The following SF3B3 variants were observed in gnomAD, a reference collection of about 807,000 sequenced individuals.
SF3B3 encodes SAP 130.
Under a neutral mutation model 139.2 loss-of-function variants are expected in SF3B3, and 33 were observed. The observed-to-expected ratio is 0.24, with a 90% confidence interval of 0.18 to 0.32. SF3B3 has a LOEUF of 0.32. Ranked by LOEUF, SF3B3 falls within the 10% of genes least tolerant of loss-of-function variation. The probability of loss-of-function intolerance (pLI) is 1.00; values close to 1 mark genes in which losing one functional copy is unlikely to be tolerated. For synonymous variants in SF3B3, 596 were observed against 563.6 expected (o/e 1.06, Z -0.81); for missense variants, 818 against 1,509.4 (o/e 0.54, Z 7.59).
At chr16:70,531,933 G>C (rs2050125290) in intron 4 of SF3B3, among the ~76,000 whole-genome samples, 1 of 152,224 alleles carries the variant, frequency 6.6e-6, no homozygotes, top group Non-Finnish European at 1.5e-5. Context: ...AGGTGTGGTG[G>C]CATGTGCCTA....
chr16:70,546,112 G>C (rs898451902), intron 10 of SF3B3, among the ~76,000 whole-genome samples: 2 of 152,164 alleles, frequency 1.3e-5, no homozygotes, highest in African/African-American at 4.8e-5. Flanking sequence ...GACTACAGGT[G>C]TGCGCCATCA....
At chr16:70,537,565 A>G (rs2050180203) in intron 6 of SF3B3, among the ~76,000 whole-genome samples, 2 of 152,204 alleles carry the variant, frequency 1.3e-5, no homozygotes, top group African/African-American at 2.4e-5. Context: ...AATTTAATGT[A>G]ATATGTAGTA....
rs544982470 is a variant in SF3B3, at chr16:70,538,575, C to T, written c.963+115C>T. ...CTTAGAAAGTAGTTGCCCTTGGAAC[C>T]GGTATATGAGTATAGATTTTCTCTC... On this transcript the variant is annotated intron_variant, in intron 7 of 25. Transcript: ENST00000302516. 665 of 853,524 alleles carry T rather than the reference C, an allele frequency of 7.8e-4. 8 individuals are homozygous for T. The South Asian group carries it at 9.3e-3, about 12-fold the overall frequency. 52.9% of individuals were successfully genotyped at this position (853,524 alleles called of 1,614,324 possible). A position where few individuals can be genotyped will look rare whatever the true frequency, so the allele number is the denominator to read the frequency against.
chr16:70,556,993 C>A lies in SF3B3; in HGVS notation c.1974C>A (p.Gly658=). The part of the protein sequence containing the change: ...TEKQDELGER[G]SIGFLYLNIG... Reference sequence around the variant, plus strand: ...AGCAGGATGAGCTGGGTGAGAGGGGCTCGATTGGCTTCCTATACCTGAATA... The same window carrying A: ...AGCAGGATGAGCTGGGTGAGAGGGGATCGATTGGCTTCCTATACCTGAATA... The change falls in exon 15 of 26, where the codon GGC becomes GGA. Residue 658 remains glycine, a synonymous_variant. Transcript: ENST00000302516. The A allele has an allele frequency of 1.2e-6, 2 of 1,613,610 alleles. No individual in the cohort carries two copies. The highest frequency in any genetic ancestry group is 1.7e-5 in the Admixed American group (1 of 59,906).
At chr16:70,555,397 T>C (rs553049066) in intron 13 of SF3B3, among the ~76,000 whole-genome samples, 191 bp downstream of exon 13, 16 of 149,766 alleles carry the variant, frequency 1.1e-4, no homozygotes, top group South Asian at 8.4e-4. Context: ...GAGAATTGCT[T>C]GAACCCGGGA....
rs774859210 is a variant in SF3B3, at chr16:70,530,702, C to A, written c.398-43C>A. ...TAGCTGTTCTATAAGTCTCTCTTCTCATTATCTGGGAATCTTGTATGTTTT... is the reference window on the plus strand; with the variant it reads ...TAGCTGTTCTATAAGTCTCTCTTCTAATTATCTGGGAATCTTGTATGTTTT... On this transcript the variant is annotated intron_variant, in intron 3 of 25. Coordinates refer to ENST00000302516, the MANE Select transcript of SF3B3 (RefSeq NM_012426.5). The A allele has an allele frequency of 1.2e-5, 18 of 1,523,200 alleles. No homozygotes were observed. In the East Asian group the frequency reaches 2.7e-4, roughly 23 times the overall value. 94.4% of individuals were successfully genotyped at this position (1,523,200 alleles called of 1,614,324 possible). A position where few individuals can be genotyped will look rare whatever the true frequency, so the allele number is the denominator to read the frequency against.
chr16:70,524,416 G>A lies in SF3B3; in HGVS notation c.-71+488G>A, dbSNP rs72792805. On this transcript the variant is annotated intron_variant, in intron 1 of 25. Transcript: ENST00000302516. ...GCGTAATGGAGGACAGAGTTTAAAT[G>A]CGATGATGTTTCCTTGGAGGATGGA... 836 of 152,502 alleles carry A rather than the reference G, an allele frequency of 5.5e-3. 5 individuals carry two copies. Among genetic ancestry groups the A allele is most frequent in the Non-Finnish European group, 8.5e-3 (578 of 68,132 alleles). 9.4% of individuals were successfully genotyped at this position (152,502 alleles called of 1,614,324 possible). A position where few individuals can be genotyped will look rare whatever the true frequency, so the allele number is the denominator to read the frequency against.
intron 11 of SF3B3, among the ~76,000 whole-genome samples, chr16:70,549,762 T>G (rs2050304557): frequency 6.6e-6 from 1 of 152,006 alleles, no homozygotes; most frequent in African/African-American, 2.4e-5. Context: ...CCATCTCTAC[T>G]AAAAATACAA....
intron 4 of SF3B3, among the ~76,000 whole-genome samples, chr16:70,531,185 G>A (rs11865527): frequency 0.34 from 51,807 of 151,812 alleles, 9,378 homozygotes; most frequent in South Asian, 0.61. Flanking sequence ...GGAGAATGGC[G>A]TGAACCCGGG....
chr16:70,534,586 T>C (rs1197864374), intron 5 of SF3B3, among the ~76,000 whole-genome samples: 1 of 152,194 alleles, frequency 6.6e-6, no homozygotes, highest in African/African-American at 2.4e-5. Flanking sequence ...TTCTCTAAGG[T>C]GGAGAATCTA....
At chr16:70,534,951 C>T (rs1319101276) in intron 5 of SF3B3, among the ~76,000 whole-genome samples, 1 of 152,186 alleles carries the variant, frequency 6.6e-6, no homozygotes, top group East Asian at 1.9e-4. Context: ...CAGGCATGAG[C>T]CACCATGCCC....
At position 70,561,777 on chromosome 16, in the gene SF3B3, A is replaced by G. The variant is rs2050431309; in HGVS notation, c.2281A>G (p.Thr761Ala). ...GGGCATTGTGGCCATCTCCACCAAC[A>G]CCCTACGGTGAGTGAGTCTCATGTT... ...PEGIVAISTN[T>A]LRILALEKLG... is the part of the protein sequence containing the mutation. The change falls in exon 17 of 26, where the codon ACC (threonine) becomes GCC (alanine). Residue 761 changes from threonine (T) to alanine (A), a missense_variant. By Grantham distance (58) the Thr-to-Ala change is moderately conservative. This residue lies in a region of SF3B3 where 170 missense variants were observed against 353.0 expected (regional missense o/e 0.48). Transcript: ENST00000302516. The G allele has an allele frequency of 6.2e-7, 1 of 1,613,450 alleles. No homozygotes were observed. The highest frequency in any genetic ancestry group is 8.5e-7 in the Non-Finnish European group (1 of 1,179,658).
At chr16:70,552,589 C>T (rs994590540) in intron 11 of SF3B3, among the ~76,000 whole-genome samples, 7 of 152,162 alleles carry the variant, frequency 4.6e-5, no homozygotes, top group African/African-American at 1.4e-4. Flanking sequence ...TAACCAAAAA[C>T]CAAGTATCTA....
At chr16:70,570,275 C>T in intron 24 of SF3B3, 126 bp downstream of exon 24, 3 of 919,740 alleles carry the variant, frequency 3.3e-6, no homozygotes, top group Non-Finnish European at 4.8e-6. Context: ...TATAAAGTGA[C>T]AGAAGTACTT....
Position 70,560,498 on chromosome 16 carries a change from C to T in SF3B3, c.2040C>T (p.Asp680=). 1 of 1,613,938 alleles carries T rather than the reference C, an allele frequency of 6.2e-7. No homozygotes were observed. Among genetic ancestry groups the T allele is most frequent in the Non-Finnish European group, 8.5e-7 (1 of 1,179,878 alleles). ...QNGVLLRTVL[D]PVTGDLSDTR... Reference sequence around the variant, plus strand: ...GTGTGCTGCTGAGGACTGTCTTGGACCCTGTCACTGGGGATTTGTCTGATA... The same window carrying T: ...GTGTGCTGCTGAGGACTGTCTTGGATCCTGTCACTGGGGATTTGTCTGATA... The change falls in exon 16 of 26, where the codon GAC becomes GAT. Residue 680 remains aspartate (D), a synonymous_variant. Transcript: ENST00000302516.
In SF3B3 at chr16:70,557,060, A is replaced by C. The variant is rs371944094; in HGVS notation, c.2010+31A>C. On this transcript the variant is annotated intron_variant, in intron 15 of 25. Coordinates refer to ENST00000302516, the MANE Select transcript of SF3B3 (RefSeq NM_012426.5). The stretch of plus-strand genomic sequence containing the variant: ...AGATCCAGAGGCCCACATTGTGGAC[A>C]TTAGGCCTTCTGTACGTTTCACACA... 19 of 1,572,714 alleles carry C rather than the reference A, an allele frequency of 1.2e-5. No individual in the cohort carries two copies. The African/African-American group carries it at 1.8e-4, about 15-fold the overall frequency.
At chr16:70,555,023 T>A (rs1474903397) in intron 12 of SF3B3, 28 bp from the exon 13 acceptor site, 2 of 1,607,198 alleles carry the variant, frequency 1.2e-6, no homozygotes, top group Admixed American at 3.4e-5. Flanking sequence ...ATTGTTAAAG[T>A]CAGGTTTCTT....
chr16:70,559,926 G>A (rs1043349344), intron 15 of SF3B3, among the ~76,000 whole-genome samples: 1 of 151,878 alleles, frequency 6.6e-6, no homozygotes, highest in Non-Finnish European at 1.5e-5. Flanking sequence ...GGGTGCGGGG[G>A]GGTGGTAAAT....
intron 5 of SF3B3, among the ~76,000 whole-genome samples, chr16:70,534,843 AG>A (rs2050151662): frequency 6.6e-6 from 1 of 151,892 alleles, no homozygotes; most frequent in African/African-American, 2.4e-5. Context: ...TAATTTTTGT[AG>A]TTTTAGTAGA....
Sources: allele counts gnomAD v4.1 joint callset (sites outside exome capture counted in the v4.1 genomes callset), GRCh38; gene constraint gnomAD v4.1.1; regional missense constraint gnomAD v4.1.1; transcripts MANE v1.5; gene names NCBI Gene and HGNC (gene_info 2026-07-23, HGNC 2026-07-21).